PPARGC1A: variants seen among roughly 807,000 people sequenced by gnomAD.
PPARGC1A encodes the protein PPARG coactivator 1 alpha.
PPARGC1A carries 25 observed loss-of-function variants against 88.7 expected under a neutral mutation model. The ratio of observed to expected loss-of-function variants is 0.28; its 90% CI spans 0.21 to 0.39. The LOEUF (loss-of-function observed/expected upper bound fraction) is 0.39. Ranked by LOEUF, PPARGC1A falls within the 10% of genes least tolerant of loss-of-function variation. The pLI, the probability that PPARGC1A is intolerant of heterozygous loss-of-function variation, is 1.00. For synonymous variants in PPARGC1A, 363 were observed against 355.6 expected (o/e 1.02, Z -0.24); for missense variants, 880 against 968.7 (o/e 0.91, Z 1.22).
At chr4:24,188,678 C>G in the PPARGC1A span, among the ~76,000 whole-genome samples, 1 of 152,030 alleles carries the variant, frequency 6.6e-6, no homozygotes, top group Non-Finnish European at 1.5e-5. Context: ...GAAACTGAAA[C>G]CCTCGTGCAC....
chr4:23,874,173 G>C, intron 2 of PPARGC1A, among the ~76,000 whole-genome samples: 1 of 152,204 alleles, frequency 6.6e-6, no homozygotes, highest in Admixed American at 6.5e-5. Flanking sequence ...TGAACTGATC[G>C]GTGTTACATA....
intron 2 of PPARGC1A, among the ~76,000 whole-genome samples, chr4:23,841,757 A>G (rs951440791): frequency 4.6e-5 from 7 of 152,110 alleles, no homozygotes; most frequent in Non-Finnish European, 2.9e-5. Context: ...ACCTGCCATC[A>G]TCTTAAATCC....
the PPARGC1A span, among the ~76,000 whole-genome samples, chr4:24,342,977 T>C: frequency 1.3e-5 from 2 of 152,360 alleles, no homozygotes; most frequent in Non-Finnish European, 2.9e-5. Context: ...TGACCCACTG[T>C]GCCATCCTCA....
the PPARGC1A span, among the ~76,000 whole-genome samples, chr4:24,187,250 A>T: frequency 2.0e-5 from 3 of 152,140 alleles, no homozygotes; most frequent in Non-Finnish European, 2.9e-5. Flanking sequence ...GCATTTCTCT[A>T]AGTGCTTCAC....
At chr4:24,391,818 T>C in the PPARGC1A span, among the ~76,000 whole-genome samples, 1 of 152,230 alleles carries the variant, frequency 6.6e-6, no homozygotes, top group South Asian at 2.1e-4. Flanking sequence ...TCCAGAATAA[T>C]TGTATTGCTG....
At chr4:24,346,476 A>G in the PPARGC1A span, among the ~76,000 whole-genome samples, 1 of 151,982 alleles carries the variant, frequency 6.6e-6, no homozygotes, top group Non-Finnish European at 1.5e-5. Flanking sequence ...TGGTCTGTTC[A>G]GGGTATCTAA....
the PPARGC1A span, among the ~76,000 whole-genome samples, chr4:24,122,236 G>A: frequency 6.6e-6 from 1 of 152,056 alleles, no homozygotes; most frequent in African/African-American, 2.4e-5. Flanking sequence ...CAGCAAGAAA[G>A]AACTCACTCA....
intron 12 of PPARGC1A, among the ~76,000 whole-genome samples, chr4:23,799,375 T>C (rs1718234345): frequency 6.6e-6 from 1 of 152,196 alleles, no homozygotes; most frequent in Non-Finnish European, 1.5e-5. Context: ...CACGTGCTAA[T>C]AGCATCACAA....
intron 2 of PPARGC1A, among the ~76,000 whole-genome samples, chr4:23,841,928 A>G (rs1200349987): frequency 2.0e-5 from 3 of 152,108 alleles, no homozygotes; most frequent in African/African-American, 7.2e-5. Context: ...AATGGAAACC[A>G]CCCATTTAAC....
the PPARGC1A span, among the ~76,000 whole-genome samples, chr4:24,327,640 A>C: frequency 6.6e-6 from 1 of 151,702 alleles, no homozygotes; most frequent in Non-Finnish European, 1.5e-5. Context: ...ACCTCTTACC[A>C]CAAGATCTCC....
At chr4:24,175,538 CTTTTTT>C in the PPARGC1A span, among the ~76,000 whole-genome samples, 14 of 84,878 alleles carry the variant, frequency 1.6e-4, no homozygotes, top group African/African-American at 7.2e-4. Context: ...CCACACCAAG[CTTTTTT>C]TTTTTTTTTT....
At chr4:23,806,184 T>C (rs906739321) in intron 10 of PPARGC1A, among the ~76,000 whole-genome samples, 1 of 152,158 alleles carries the variant, frequency 6.6e-6, no homozygotes, top group Non-Finnish European at 1.5e-5. Context: ...AGATCAGAGA[T>C]TGAATACATG....
At chr4:23,799,553 GA>G (rs1176490212) in intron 12 of PPARGC1A, among the ~76,000 whole-genome samples, 1 of 152,122 alleles carries the variant, frequency 6.6e-6, no homozygotes, top group Non-Finnish European at 1.5e-5. Context: ...ATGGAGCTCA[GA>G]AAAAAACTAC....
the PPARGC1A span, among the ~76,000 whole-genome samples, chr4:24,456,068 C>T: frequency 6.6e-6 from 1 of 152,084 alleles, no homozygotes; most frequent in Non-Finnish European, 1.5e-5. Context: ...GGTATAGTAC[C>T]CAGCATTAGC....
chr4:24,305,182 T>C, the PPARGC1A span, among the ~76,000 whole-genome samples: 1 of 149,912 alleles, frequency 6.7e-6, no homozygotes, highest in African/African-American at 2.4e-5. Flanking sequence ...TGTGTGTGTA[T>C]ATTTATATAC....
At chr4:24,409,011 G>T in the PPARGC1A span, among the ~76,000 whole-genome samples, 1 of 152,160 alleles carries the variant, frequency 6.6e-6, no homozygotes, top group African/African-American at 2.4e-5. Context: ...GTTGAGGAGG[G>T]GGGTAGAGTT....
the PPARGC1A span, among the ~76,000 whole-genome samples, chr4:24,235,138 A>T: frequency 7.2e-5 from 11 of 152,304 alleles, no homozygotes; most frequent in South Asian, 2.3e-3. Context: ...CTAAAGAAAA[A>T]ATGTCAGAGA....
chr4:23,985,770 C>CTT, the PPARGC1A span, among the ~76,000 whole-genome samples: 5 of 151,988 alleles, frequency 3.3e-5, no homozygotes, highest in African/African-American at 9.7e-5. Context: ...ATTTACATAT[C>CTT]TTTATAATGG....
chr4:23,815,044 G>C (rs1346307920), intron 7 of PPARGC1A, among the ~76,000 whole-genome samples: 1 of 151,732 alleles, frequency 6.6e-6, no homozygotes, highest in Non-Finnish European at 1.5e-5. Context: ...AAAGAACATT[G>C]CAGAGGATGC....
Sources: gnomAD v4.1 joint callset for allele counts (sites outside exome capture counted in the v4.1 genomes callset) on GRCh38, gnomAD v4.1.1 for gene constraint, MANE v1.5 for transcripts, NCBI Gene and HGNC (gene_info 2026-07-23, HGNC 2026-07-21) for gene names.